Variants in SLC25A48 observed in about 807,000 individuals in gnomAD.
The protein encoded by SLC25A48 is CTC-321K16.1.
A neutral mutation model predicts 32.2 loss-of-function variants in SLC25A48; 29 were observed. The observed-to-expected ratio is 0.90, with a 90% confidence interval of 0.67 to 1.23. The LOEUF (loss-of-function observed/expected upper bound fraction) is 1.23. SLC25A48 is among the 50% of genes most tolerant of loss of function. The pLI is 0.00. For missense variants in SLC25A48, 399 were observed against 422.7 expected, an observed-to-expected ratio of 0.94 and a Z score of 0.49; for synonymous variants, 164 against 172.3, an observed-to-expected ratio of 0.95 and a Z score of 0.38.
chr5:135,708,795 C>T (rs1381949716), intron 3 of SLC25A48, among the ~76,000 whole-genome samples: 4 of 152,186 alleles, frequency 2.6e-5, no homozygotes, highest in African/African-American at 9.6e-5. Context: ...GGTGGAAGAA[C>T]ACATTTGAGA....
At chr5:135,789,812 G>A (rs1410586491) in intron 3 of SLC25A48, among the ~76,000 whole-genome samples, 1 of 151,934 alleles carries the variant, frequency 6.6e-6, no homozygotes, top group Non-Finnish European at 1.5e-5. Context: ...ACAATCCTTT[G>A]TAATATCTAC....
intron 3 of SLC25A48, among the ~76,000 whole-genome samples, chr5:135,694,867 G>T (rs921682929): frequency 1.3e-5 from 2 of 152,172 alleles, no homozygotes; most frequent in African/African-American, 4.8e-5. Flanking sequence ...GATTATAGGT[G>T]TGAGCCACCG....
chr5:135,711,688 A>T (rs939265055), intron 3 of SLC25A48, among the ~76,000 whole-genome samples: 1 of 152,180 alleles, frequency 6.6e-6, no homozygotes, highest in Admixed American at 6.5e-5. Context: ...CTGATCCCAA[A>T]GTCTTTCCAG....
intron 3 of SLC25A48, among the ~76,000 whole-genome samples, chr5:135,768,274 C>G (rs6865052): frequency 0.31 from 45,609 of 148,608 alleles, 7,180 homozygotes; most frequent in East Asian, 0.46. Context: ...CGGTGTACAC[C>G]CCTCTGTGAT....
intron 1 of SLC25A48, among the ~76,000 whole-genome samples, chr5:135,583,884 T>C (rs1277714546): frequency 2.0e-5 from 3 of 152,250 alleles, no homozygotes; most frequent in Admixed American, 6.5e-5. Context: ...CTGCCTCCTC[T>C]GTGCAGCTTT....
chr5:135,689,208 C>T (rs1754088110), intron 3 of SLC25A48, among the ~76,000 whole-genome samples: 1 of 152,184 alleles, frequency 6.6e-6, no homozygotes, highest in South Asian at 2.1e-4. Context: ...CTCAGACCCT[C>T]TTGGACCTAT....
At chr5:135,875,959 G>A (rs1761999676) in intron 6 of SLC25A48, 1 of 152,146 alleles carries the variant, frequency 6.6e-6, no homozygotes, top group Non-Finnish European at 1.5e-5. Flanking sequence ...ATGTGATACG[G>A]AGGAAACTTG....
At chr5:135,697,079 T>C (rs1180396620) in intron 3 of SLC25A48, among the ~76,000 whole-genome samples, 1 of 152,150 alleles carries the variant, frequency 6.6e-6, no homozygotes, top group Non-Finnish European at 1.5e-5. Context: ...CCTATAATTA[T>C]GGTTTTGAAA....
chr5:135,886,641 T>TA (rs397935705), intron 7 of SLC25A48, among the ~76,000 whole-genome samples: 7 of 17,902 alleles, frequency 3.9e-4, no homozygotes, highest in African/African-American at 2.9e-3. Context: ...ATATATAAAA[T>TA]ATATATATGT....
chr5:135,795,941 G>A (rs1405583152), intron 3 of SLC25A48, among the ~76,000 whole-genome samples: 1 of 138,780 alleles, frequency 7.2e-6, no homozygotes, highest in African/African-American at 2.6e-5. Flanking sequence ...CGTGGGGGGT[G>A]TACACCCACA....
chr5:135,634,382 A>G (rs31262), intron 2 of SLC25A48, among the ~76,000 whole-genome samples: 47,910 of 152,238 alleles, frequency 0.31, 7,978 homozygotes, highest in East Asian at 0.63. Context: ...CTGTGACCCA[A>G]GGAGTGGAAG....
chr5:135,782,786 C>T (rs1756745268), intron 3 of SLC25A48, among the ~76,000 whole-genome samples: 1 of 118,450 alleles, frequency 8.4e-6, no homozygotes, highest in African/African-American at 2.6e-5. Context: ...TCCCAATATC[C>T]CTGGGCGTGT....
At chr5:135,659,966 T>G (rs897145698) in intron 3 of SLC25A48, among the ~76,000 whole-genome samples, 1 of 152,238 alleles carries the variant, frequency 6.6e-6, no homozygotes, top group Non-Finnish European at 1.5e-5. Flanking sequence ...ACATGTGATT[T>G]GGGTGGGGAC....
chr5:135,600,289 A>G (rs914288240), intron 1 of SLC25A48, among the ~76,000 whole-genome samples: 19 of 152,220 alleles, frequency 1.2e-4, no homozygotes, highest in Admixed American at 2.6e-4. Flanking sequence ...CCCTGTGGGC[A>G]GGGCCCTCAT....
intron 1 of SLC25A48, among the ~76,000 whole-genome samples, chr5:135,583,172 G>GTA (rs1751272129): frequency 1.3e-5 from 1 of 74,170 alleles, no homozygotes; most frequent in African/African-American, 9.1e-5. Flanking sequence ...ATGTGAGAAA[G>GTA]TGTGTGTGCG....
At chr5:135,662,726 G>A (rs1753433245) in intron 3 of SLC25A48, among the ~76,000 whole-genome samples, 2 of 152,002 alleles carry the variant, frequency 1.3e-5, no homozygotes, top group South Asian at 4.2e-4. Context: ...GGGAGCAAGG[G>A]GTGAGCTTTT....
intron 3 of SLC25A48, among the ~76,000 whole-genome samples, chr5:135,711,367 T>C (rs1284488281): frequency 1.3e-5 from 2 of 152,132 alleles, no homozygotes; most frequent in African/African-American, 4.8e-5. Flanking sequence ...ACTGCACTTG[T>C]CTTAGGCATA....
At chr5:135,887,704 T>C (rs1762785414) in intron 7 of SLC25A48, among the ~76,000 whole-genome samples, 1 of 152,032 alleles carries the variant, frequency 6.6e-6, no homozygotes, top group African/African-American at 2.4e-5. Context: ...CTTTTCCTTC[T>C]CTGTGGTGGC....
intron 3 of SLC25A48, among the ~76,000 whole-genome samples, chr5:135,705,489 G>GTT (rs1415428134): frequency 2.6e-5 from 4 of 152,216 alleles, no homozygotes; most frequent in Non-Finnish European, 5.9e-5. Flanking sequence ...TAAATATTCC[G>GTT]TAAGTATTAA....
Sources: gnomAD v4.1 joint callset for allele counts (sites outside exome capture counted in the v4.1 genomes callset) on GRCh38, gnomAD v4.1.1 for gene constraint, MANE v1.5 for transcripts, NCBI Gene and HGNC (gene_info 2026-07-23, HGNC 2026-07-21) for gene names.